Variants in CCNL1 observed in about 807,000 individuals in gnomAD.
CCNL1 encodes cyclin L1.
Under a neutral mutation model 60.6 loss-of-function variants are expected in CCNL1, and 13 were observed. The observed-to-expected ratio is 0.21, with a 90% CI of 0.14 to 0.34. CCNL1 has a LOEUF of 0.34. Ranked by LOEUF, CCNL1 falls within the 10% of genes least tolerant of loss-of-function variation. The pLI, the probability that CCNL1 is intolerant of heterozygous loss-of-function variation, is 1.00. For synonymous variants in CCNL1, 270 were observed against 244.3 expected (o/e 1.10, Z -0.98); for missense variants, 481 against 664.3 (o/e 0.72, Z 3.03).
chr3:157,158,834 AGAG>A (rs748872683), intron 3 of CCNL1, 29 bp downstream of exon 3: 1 of 1,346,842 alleles, frequency 7.4e-7, no homozygotes, highest in East Asian at 2.3e-5. Flanking sequence ...AGCAGTAGCA[AGAG>A]ATACTATGTT....
chr3:157,143,341 T>C (rs1163571354), downstream of CCNL1, among the ~76,000 whole-genome samples: 1 of 152,212 alleles, frequency 6.6e-6, no homozygotes, highest in Non-Finnish European at 1.5e-5. Flanking sequence ...GTCCTCTCTT[T>C]GTAACAGGTA....
downstream of CCNL1, among the ~76,000 whole-genome samples, chr3:157,145,853 T>C (rs564989430): frequency 6.6e-6 from 1 of 152,318 alleles, no homozygotes; most frequent in Non-Finnish European, 1.5e-5. Context: ...AAAAAATTCT[T>C]CAGGACATGA....
downstream of CCNL1, among the ~76,000 whole-genome samples, chr3:157,144,701 T>C (rs771787105): frequency 3.0e-4 from 46 of 152,350 alleles, no homozygotes; most frequent in South Asian, 1.4e-3. Context: ...TCAAACCTCA[T>C]GCACATTCTG....
intron 10 of CCNL1, 148 bp from the exon 11 acceptor site, chr3:157,148,737 G>A: frequency 7.8e-6 from 5 of 641,478 alleles, no homozygotes; most frequent in Non-Finnish European, 8.0e-6. Flanking sequence ...CCTCACTGCT[G>A]TATGCCCAAG....
chr3:157,157,305 A>C (rs1360243077), intron 3 of CCNL1, among the ~76,000 whole-genome samples: 1 of 152,222 alleles, frequency 6.6e-6, no homozygotes, highest in African/African-American at 2.4e-5. Flanking sequence ...ACAAAGTTAC[A>C]TCAGACACAA....
intron 5 of CCNL1, chr3:157,151,008 C>A: frequency 1.0e-6 from 1 of 985,170 alleles, no homozygotes; most frequent in Non-Finnish European, 1.2e-6. Context: ...AATTGCTGAA[C>A]TTTTATTAAT....
downstream of CCNL1, among the ~76,000 whole-genome samples, chr3:157,145,576 C>G (rs545599163): frequency 6.7e-6 from 1 of 148,748 alleles, no homozygotes; most frequent in Non-Finnish European, 1.5e-5. Context: ...AGACAGAGAA[C>G]AGAGGGAAAA....
downstream of CCNL1, among the ~76,000 whole-genome samples, chr3:157,143,563 C>T (rs1737703739): frequency 6.6e-6 from 1 of 152,178 alleles, no homozygotes; most frequent in African/African-American, 2.4e-5. Flanking sequence ...TACAGAGCTG[C>T]CCCTCCCTTA....
intron 5 of CCNL1, chr3:157,150,900 T>G (rs963970067): frequency 1.0e-6 from 1 of 984,060 alleles, no homozygotes; most frequent in Admixed American, 6.1e-5. Flanking sequence ...ACTTAGAAAA[T>G]CTAGATAGGG....
intron 4 of CCNL1, 149 bp from the exon 5 acceptor site, chr3:157,152,390 T>C (rs1350965268): frequency 2.7e-5 from 37 of 1,371,082 alleles, no homozygotes; most frequent in Non-Finnish European, 3.4e-5. Context: ...AAGATTCTAA[T>C]GTGAACTGCT....
intron 3 of CCNL1, among the ~76,000 whole-genome samples, chr3:157,157,772 T>A (rs1031015726): frequency 2.6e-5 from 4 of 152,194 alleles, no homozygotes; most frequent in African/African-American, 9.7e-5. Flanking sequence ...ACTCTTTTTT[T>A]AAAAAAGAAC....
At position 157,153,155 on chromosome 3, in the gene CCNL1, T is replaced by C; in HGVS notation, c.490A>G (p.Thr164Ala). 6.3e-7 allele frequency: 1 copy of C among 1,597,416 alleles called. No homozygotes were observed. ...HHLRQLRGKR[T>A]PSPLILDQNY... ...TGATCAAGGATCAGGGGGCTTGGAG[T>C]CCTATAGTTTGTAAGAAATAAAATC... Residue 164 changes from threonine (T) to alanine (A), a missense_variant and splice_region_variant, in exon 4 of 11, where the codon ACT (threonine) becomes GCT (alanine). By Grantham distance (58) the Thr-to-Ala change is moderately conservative (BLOSUM62 0). Around this residue, in one of 5 missense-constraint regions of CCNL1, gnomAD observed 130 missense variants for 174.5 expected, o/e 0.75. Transcript: ENST00000295926.
chr3:157,149,096 A>G (rs1737974317), intron 10 of CCNL1, 191 bp downstream of exon 10: 1 of 581,206 alleles, frequency 1.7e-6, no homozygotes, highest in Non-Finnish European at 3.0e-6. Flanking sequence ...CATGGGAGAA[A>G]ATATAACAGA....
At chr3:157,148,707 C>G (rs62274131) in intron 10 of CCNL1, 118 bp from the exon 11 acceptor site, 2 of 871,238 alleles carry the variant, frequency 2.3e-6, no homozygotes, top group Non-Finnish European at 3.4e-6. Context: ...CAAACCAGAA[C>G]TTTTCAAAAT....
At chr3:157,145,446 A>G (rs1737752084), downstream of CCNL1, among the ~76,000 whole-genome samples, 1 of 147,306 alleles carries the variant, frequency 6.8e-6, no homozygotes, top group African/African-American at 2.5e-5. Flanking sequence ...TCAAAAAAAA[A>G]AAAAAAAAAA....
rs958303458 is a variant in CCNL1 at position 157,151,979 on chromosome 3, T to C, written c.674+198A>G. On this transcript the variant is annotated intron_variant, in intron 5 of 10. Coordinates refer to ENST00000295926, the MANE Select transcript of CCNL1 (RefSeq NM_020307.4). ...GAACAAAGTTAAATTGAGTTCTCCATTAAAAGTAATTAGTCAAGCCAAGAA... is the reference window on the plus strand; with the variant it reads ...GAACAAAGTTAAATTGAGTTCTCCACTAAAAGTAATTAGTCAAGCCAAGAA... 2.2e-5 allele frequency: 31 copies of C among 1,387,350 alleles called. No homozygotes were observed. The African/African-American group carries it at 4.3e-4, about 19-fold the overall frequency. The allele number at this position is 1,387,350 out of a possible 1,614,324, so 85.9% of individuals were successfully genotyped here.
At chr3:157,143,224 C>T (rs1737697787), downstream of CCNL1, among the ~76,000 whole-genome samples, 2 of 152,186 alleles carry the variant, frequency 1.3e-5, no homozygotes, top group Non-Finnish European at 2.9e-5. Flanking sequence ...TTATAACAAA[C>T]ATTGTACAAC....
chr3:157,143,577 GC>G (rs1238202702), downstream of CCNL1, among the ~76,000 whole-genome samples: 1 of 152,176 alleles, frequency 6.6e-6, no homozygotes, highest in Non-Finnish European at 1.5e-5. Context: ...TCCCTTACGA[GC>G]TTACATTCTA....
intron 3 of CCNL1, among the ~76,000 whole-genome samples, chr3:157,156,173 T>C (rs1026128062): frequency 6.6e-6 from 1 of 152,186 alleles, no homozygotes; most frequent in Non-Finnish European, 1.5e-5. Flanking sequence ...TATAACAGAT[T>C]GGTAGTTTAC....
Sources: gnomAD v4.1 joint callset for allele counts (sites outside exome capture counted in the v4.1 genomes callset) on GRCh38, gnomAD v4.1.1 for gene constraint, gnomAD v4.1.1 regional missense constraint, MANE v1.5 for transcripts, NCBI Gene and HGNC (gene_info 2026-07-23, HGNC 2026-07-21) for gene names.